Variants in PTPRN2 observed in about 807,000 individuals in gnomAD.
PTPRN2 encodes receptor-type tyrosine-protein phosphatase N2.
In PTPRN2, 74 loss-of-function variants were observed where a neutral mutation model predicts 118.8. That is an observed-to-expected ratio of 0.62 (90% CI 0.52 to 0.76). PTPRN2 has a LOEUF of 0.76. Ranked by LOEUF, PTPRN2 falls within the 30% of genes least tolerant of loss-of-function variation. PTPRN2 has a pLI of 0.00. For missense variants in PTPRN2, 1,481 were observed against 1,394.4 expected (o/e 1.06, Z -0.99); for synonymous variants, 641 against 608.0 (o/e 1.05, Z -0.80).
At chr7:158,060,840 CT>C (rs1303647282) in intron 11 of PTPRN2, among the ~76,000 whole-genome samples, 1 of 152,180 alleles carries the variant, frequency 6.6e-6, no homozygotes, top group African/African-American at 2.4e-5. Flanking sequence ...GAAGGATGGC[CT>C]GGAGGGATGA....
chr7:157,840,270 C>T (rs1273111578), intron 12 of PTPRN2, among the ~76,000 whole-genome samples: 1 of 123,376 alleles, frequency 8.1e-6, no homozygotes, highest in Non-Finnish European at 1.6e-5. Flanking sequence ...ACTGTGTGGC[C>T]GCGTGTGACT....
rs956832037 is a variant in PTPRN2, at chr7:158,500,983, G to C, written c.113-11198C>G. 2.0e-5 allele frequency among the ~76,000 whole-genome samples: 3 copies of C among 152,260 alleles called. No homozygotes were observed. In the East Asian group the frequency reaches 5.8e-4, roughly 29 times the overall value. ...GAGGGTGTGACAGGCTCCGGGCCAC[G>C]TCCGCTGGGAGCTGGGCTCTGCGGC... On this transcript the variant is annotated intron_variant, in intron 1 of 22. Transcript: ENST00000389418.
chr7:158,352,671 T>A (rs1323175666), intron 2 of PTPRN2, among the ~76,000 whole-genome samples: 1 of 152,218 alleles, frequency 6.6e-6, no homozygotes, highest in Non-Finnish European at 1.5e-5. Context: ...CTGGTATTGG[T>A]AATCCTGAGT....
Position 157,893,916 on chromosome 7 carries a change from C to T in PTPRN2, c.1788+4757G>A, listed in dbSNP as rs1057189845. 6.6e-6 allele frequency among the ~76,000 whole-genome samples: 1 copy of T among 152,134 alleles called. No homozygotes were observed. The highest frequency in any genetic ancestry group is 2.4e-5 in the African/African-American group (1 of 41,428). On this transcript the variant is annotated intron_variant, in intron 12 of 22. Transcript: ENST00000389418. This position sits in a 1 kb window ranked among gnomAD's most constrained non-coding sequence, Gnocchi z 4.0. ...AGGGAACAGAGATGGCCGTCGCGCC[C>T]AGTGAGAGCAGAAAGCAATGCAGGG...
chr7:157,966,102 A>G (rs1209536213), intron 11 of PTPRN2, among the ~76,000 whole-genome samples: 2 of 151,768 alleles, frequency 1.3e-5, no homozygotes, highest in African/African-American at 2.4e-5. Flanking sequence ...ACTCAGCCAC[A>G]TTGAACTTCT....
intron 11 of PTPRN2, among the ~76,000 whole-genome samples, chr7:158,005,574 TA>T (rs1805578637): frequency 6.6e-6 from 1 of 152,196 alleles, no homozygotes; most frequent in African/African-American, 2.4e-5. Context: ...ATGCACAAAA[TA>T]AGATTAGCTG....
intron 10 of PTPRN2, among the ~76,000 whole-genome samples, chr7:158,086,910 A>G (rs1019033330): frequency 5.3e-5 from 8 of 152,096 alleles, no homozygotes; most frequent in Non-Finnish European, 1.0e-4. Flanking sequence ...ACATTTTTCA[A>G]TTTTATACTG....
Position 158,126,469 on chromosome 7 carries a change from TC to T in PTPRN2, c.1556+7207del, listed in dbSNP as rs1320198509. Among the ~76,000 whole-genome samples, 50 of 40,208 alleles carry T rather than the reference TC, an allele frequency of 1.2e-3. 2 individuals carry two copies. The highest frequency in any genetic ancestry group is 1.8e-3 in the Non-Finnish European group (40 of 22,300). The allele number at this position is 40,208 out of a possible 152,430, so 26.4% of individuals were successfully genotyped here. A position where few individuals can be genotyped will look rare whatever the true frequency, so the allele number is the denominator to read the frequency against. Reference sequence around the variant, plus strand: ...CCCCAGGACAGCGGGCGGCGGAACTTCCTCTCCGCCACACCAGCCCCCAGGA... The same window carrying T: ...CCCCAGGACAGCGGGCGGCGGAACTTCTCTCCGCCACACCAGCCCCCAGGA... On this transcript the variant is annotated intron_variant, in intron 9 of 22. Coordinates refer to ENST00000389418, the MANE Select transcript of PTPRN2 (RefSeq NM_002847.5).
At chr7:158,336,580 C>T (rs1308018160) in intron 2 of PTPRN2, among the ~76,000 whole-genome samples, 3 of 134,288 alleles carry the variant, frequency 2.2e-5, no homozygotes, top group African/African-American at 8.5e-5. Flanking sequence ...GAGTTGACAC[C>T]TGCAGACGTC....
rs1442727235 is a variant in PTPRN2, at chr7:157,787,958, C to T, written c.1789-105021G>A. Among the ~76,000 whole-genome samples, 2 of 152,100 alleles carry T rather than the reference C, an allele frequency of 1.3e-5. No individual in the cohort carries two copies. The highest frequency in any genetic ancestry group is 4.8e-5 in the African/African-American group (2 of 41,474). ...GGTCTGGACAATGGGGAGCCAGCACCGGGTCCCCTGGGAACCACGCAGCCG... is the reference window on the plus strand; with the variant it reads ...GGTCTGGACAATGGGGAGCCAGCACTGGGTCCCCTGGGAACCACGCAGCCG... On this transcript the variant is annotated intron_variant, in intron 12 of 22. Coordinates refer to ENST00000389418, the MANE Select transcript of PTPRN2 (RefSeq NM_002847.5). This position sits in a 1 kb window ranked among gnomAD's most constrained non-coding sequence, Gnocchi z 5.3.
intron 11 of PTPRN2, among the ~76,000 whole-genome samples, chr7:157,925,535 C>T (rs1443898616): frequency 6.6e-6 from 1 of 152,210 alleles, no homozygotes; most frequent in African/African-American, 2.4e-5. Flanking sequence ...CCCTCTCCCT[C>T]CAGCTTCCTT....
At chr7:158,288,980 C>A (rs1799937156) in intron 3 of PTPRN2, among the ~76,000 whole-genome samples, 1 of 152,102 alleles carries the variant, frequency 6.6e-6, no homozygotes, top group Admixed American at 6.6e-5. Context: ...TCCTTCAGCA[C>A]CTTGAATATA....
At chr7:157,847,963 T>A (rs1036851773) in intron 12 of PTPRN2, among the ~76,000 whole-genome samples, 1 of 151,910 alleles carries the variant, frequency 6.6e-6, no homozygotes, top group African/African-American at 2.4e-5. Flanking sequence ...CCATCATGTA[T>A]GCCCGATGTT....
chr7:158,371,396 T>C (rs191168368), intron 2 of PTPRN2, among the ~76,000 whole-genome samples: 1 of 151,936 alleles, frequency 6.6e-6, no homozygotes, highest in East Asian at 1.9e-4. Flanking sequence ...TTTAAATACA[T>C]GAGAATAAAA....
chr7:157,856,913 T>C (rs1481927782), intron 12 of PTPRN2, among the ~76,000 whole-genome samples: 4 of 152,204 alleles, frequency 2.6e-5, no homozygotes, highest in African/African-American at 9.7e-5. Context: ...CACCCAACTG[T>C]GTAGCAGACT....
chr7:158,214,115 G>C (rs904143614), intron 3 of PTPRN2, among the ~76,000 whole-genome samples: 1 of 151,992 alleles, frequency 6.6e-6, no homozygotes, highest in African/African-American at 2.4e-5. Flanking sequence ...CAATGCAGAG[G>C]TATGGGAGTT....
intron 12 of PTPRN2, among the ~76,000 whole-genome samples, chr7:157,721,342 T>C (rs958661252): frequency 2.6e-5 from 4 of 152,220 alleles, no homozygotes; most frequent in African/African-American, 9.7e-5. Flanking sequence ...TCCACATCCC[T>C]TCATGTGCCA....
Position 158,525,478 on chromosome 7 carries a change from G to A in PTPRN2, c.113-35693C>T, listed in dbSNP as rs1387576670. Among the ~76,000 whole-genome samples the A allele has an allele frequency of 3.9e-5, 6 of 152,122 alleles. No homozygotes were observed. Among genetic ancestry groups the A allele is most frequent in the Admixed American group, 6.5e-5 (1 of 15,282 alleles). On this transcript the variant is annotated intron_variant, in intron 1 of 22. Transcript: ENST00000389418. The surrounding 1 kb of genome is among the most constrained non-coding windows in gnomAD (Gnocchi z 4.1). ...AAGGCTGAGCCGCTCCGCACCCCTC[G>A]CTCTACAGCTGGACACAGGCTCTGC... is the stretch of plus-strand genomic sequence containing the variant.
chr7:158,214,397 TACACACAC>T lies in PTPRN2; in HGVS notation c.278-9132_278-9125del, dbSNP rs144370539. Among the ~76,000 whole-genome samples, 1,336 of 145,846 alleles carry T rather than the reference TACACACAC, an allele frequency of 9.2e-3. 22 individuals carry two copies. The highest frequency in any genetic ancestry group is 0.031 in the African/African-American group (1,218 of 39,408). On this transcript the variant is annotated intron_variant, in intron 3 of 22. Coordinates refer to ENST00000389418, the MANE Select transcript of PTPRN2 (RefSeq NM_002847.5). ...GCCGCAATCCGGAAACACCAGCGTGTACACACACACACACACACACACACACACACACA... is the reference window on the plus strand; with the variant it reads ...GCCGCAATCCGGAAACACCAGCGTGTACACACACACACACACACACACACA...
Sources: gnomAD v4.1 joint callset for allele counts (sites outside exome capture counted in the v4.1 genomes callset) on GRCh38, gnomAD v4.1.1 for gene constraint, Gnocchi (gnomAD v3.1) non-coding constraint, MANE v1.5 for transcripts, NCBI Gene and HGNC (gene_info 2026-07-23, HGNC 2026-07-21) for gene names.